Variants in PTPRG observed in about 807,000 individuals in gnomAD.
PTPRG encodes receptor-type tyrosine-protein phosphatase gamma.
Under a neutral mutation model 165.3 loss-of-function variants are expected in PTPRG, and 102 were observed. That is an observed-to-expected ratio of 0.62 (90% CI 0.53 to 0.73). The LOEUF is 0.73. Among genes scored for constraint, PTPRG ranks in the 30% least tolerant of loss-of-function variants. The pLI is 0.00. For missense variants in PTPRG, 1,866 were observed against 1,861.4 expected (o/e 1.00, Z -0.05); for synonymous variants, 675 against 669.5 (o/e 1.01, Z -0.13).
intron 4 of PTPRG, among the ~76,000 whole-genome samples, chr3:62,028,849 C>T (rs960688787): frequency 3.3e-5 from 5 of 152,194 alleles, no homozygotes; most frequent in Admixed American, 1.3e-4. Context: ...TAGACAGCTT[C>T]TCTTAGTTGG....
chr3:61,967,578 G>T (rs912229378), intron 2 of PTPRG, among the ~76,000 whole-genome samples: 7 of 152,170 alleles, frequency 4.6e-5, no homozygotes, highest in African/African-American at 1.7e-4. Context: ...GGAAGGAAAG[G>T]TATATAGTTA....
intron 1 of PTPRG, among the ~76,000 whole-genome samples, chr3:61,638,532 G>GA (rs34739587): frequency 4.2e-5 from 6 of 141,722 alleles, no homozygotes; most frequent in South Asian, 4.4e-4. Flanking sequence ...TCATAGAATT[G>GA]AAAAAAAAAA....
At chr3:62,260,883 T>C (rs1701675690) in intron 16 of PTPRG, 1 of 152,186 alleles carries the variant, frequency 6.6e-6, no homozygotes, top group African/African-American at 2.4e-5. Context: ...GATTTGACAA[T>C]ATTTATTACG....
At chr3:61,759,974 T>A (rs1480724113) in intron 2 of PTPRG, among the ~76,000 whole-genome samples, 1 of 152,174 alleles carries the variant, frequency 6.6e-6, no homozygotes, top group Non-Finnish European at 1.5e-5. Flanking sequence ...GTACCCTTCA[T>A]GTCTGGCAAG....
intron 2 of PTPRG, among the ~76,000 whole-genome samples, chr3:61,857,043 T>G (rs2107386472): frequency 6.6e-6 from 1 of 152,316 alleles, no homozygotes; most frequent in Non-Finnish European, 1.5e-5. Context: ...TTTCTTTTTC[T>G]GATCATTTCC....
intron 1 of PTPRG, among the ~76,000 whole-genome samples, chr3:61,696,649 G>C (rs189132469): frequency 3.9e-5 from 6 of 152,322 alleles, no homozygotes; most frequent in Admixed American, 3.3e-4. Context: ...TACTTCAGTG[G>C]GTAGGTGCAT....
chr3:61,834,620 CT>C (rs2036406879), intron 2 of PTPRG, among the ~76,000 whole-genome samples: 1 of 152,146 alleles, frequency 6.6e-6, no homozygotes, highest in Non-Finnish European at 1.5e-5. Flanking sequence ...CGAGACCATC[CT>C]GGCCAACATG....
chr3:61,620,356 T>C (rs1701415530), intron 1 of PTPRG, among the ~76,000 whole-genome samples: 1 of 152,196 alleles, frequency 6.6e-6, no homozygotes, highest in Admixed American at 6.5e-5. Flanking sequence ...CCAACAGCAG[T>C]AGCCAGTGAT....
At chr3:62,246,893 T>C (rs914236026) in intron 15 of PTPRG, among the ~76,000 whole-genome samples, 1 of 152,114 alleles carries the variant, frequency 6.6e-6, no homozygotes, top group Non-Finnish European at 1.5e-5. Flanking sequence ...ATTGATTTTT[T>C]TAAAGATATT....
chr3:61,565,590 T>C (rs955892382), intron 1 of PTPRG, among the ~76,000 whole-genome samples: 1 of 152,040 alleles, frequency 6.6e-6, no homozygotes, highest in Non-Finnish European at 1.5e-5. Context: ...TTATCTAGTT[T>C]ACATTCTCAA....
Position 62,224,970 on chromosome 3 carries a change from G to A in PTPRG, c.2288+5987G>A, listed in dbSNP as rs1015630104. Among the ~76,000 whole-genome samples, 17 of 152,182 alleles carry A rather than the reference G, an allele frequency of 1.1e-4. No homozygotes were observed. Among genetic ancestry groups the A allele is most frequent in the African/African-American group, 4.1e-4 (17 of 41,450 alleles). ...AAAGTGATTTTGGACAAGGGGCAGG[G>A]TTGTGAGGCAGATAATAAAAATAAA... On this transcript the variant is annotated intron_variant, in intron 13 of 29. Transcript: ENST00000474889. This position sits in a 1 kb window ranked among gnomAD's most constrained non-coding sequence, Gnocchi z 4.9.
chr3:62,179,385 A>G (rs1425600518), intron 8 of PTPRG, among the ~76,000 whole-genome samples: 3 of 152,188 alleles, frequency 2.0e-5, no homozygotes, highest in Non-Finnish European at 4.4e-5. Flanking sequence ...TGGCTGTCAC[A>G]TTTCAAATCT....
At chr3:61,738,433 A>T (rs866439860) in intron 1 of PTPRG, among the ~76,000 whole-genome samples, 14 of 150,968 alleles carry the variant, frequency 9.3e-5, no homozygotes, top group African/African-American at 2.9e-4. Context: ...TAAAAGGCCT[A>T]TTTCTTTCAA....
chr3:61,878,007 G>A (rs2037790769), intron 2 of PTPRG, among the ~76,000 whole-genome samples: 1 of 152,196 alleles, frequency 6.6e-6, no homozygotes, highest in Non-Finnish European at 1.5e-5. Flanking sequence ...CATTAAGTGA[G>A]AGAAGTACTT....
chr3:61,682,828 G>A (rs1703497567), intron 1 of PTPRG, among the ~76,000 whole-genome samples: 1 of 152,200 alleles, frequency 6.6e-6, no homozygotes, highest in Non-Finnish European at 1.5e-5. Flanking sequence ...AAACAGCAGT[G>A]GCGGATTAAT....
At chr3:62,134,380 A>C (rs1421503015) in intron 6 of PTPRG, among the ~76,000 whole-genome samples, 2 of 152,218 alleles carry the variant, frequency 1.3e-5, no homozygotes, top group Non-Finnish European at 2.9e-5. Context: ...CACACAGGCC[A>C]GCTCTCATGG....
At chr3:62,146,672 G>C (rs1302676441) in intron 6 of PTPRG, among the ~76,000 whole-genome samples, 2 of 151,862 alleles carry the variant, frequency 1.3e-5, no homozygotes, top group African/African-American at 4.8e-5. Flanking sequence ...TAGGAGTGCA[G>C]GGGTTGGCAA....
chr3:61,575,573 C>A (rs146600677), intron 1 of PTPRG, among the ~76,000 whole-genome samples: 1 of 150,696 alleles, frequency 6.6e-6, no homozygotes, highest in Non-Finnish European at 1.5e-5. Flanking sequence ...GTGCAAAGCA[C>A]CAGAAAAGCA....
At chr3:62,113,429 A>T (rs1702740782) in intron 5 of PTPRG, among the ~76,000 whole-genome samples, 1 of 152,248 alleles carries the variant, frequency 6.6e-6, no homozygotes. Flanking sequence ...TTTATAATTT[A>T]ATCATTTATA....
Sources: allele counts gnomAD v4.1 joint callset (sites outside exome capture counted in the v4.1 genomes callset), GRCh38; gene constraint gnomAD v4.1.1; non-coding constraint Gnocchi (gnomAD v3.1); transcripts MANE v1.5; gene names NCBI Gene and HGNC (gene_info 2026-07-23, HGNC 2026-07-21).